Variants in AGBL4 observed in about 807,000 individuals in gnomAD.
The protein encoded by AGBL4 is cytosolic carboxypeptidase 6.
A neutral mutation model predicts 66.4 loss-of-function variants in AGBL4; 58 were observed. The ratio of observed to expected loss-of-function variants is 0.87; its 90% CI spans 0.71 to 1.09. The LOEUF (loss-of-function observed/expected upper bound fraction) is 1.09, where lower values mean the gene tolerates loss of function less well. Among genes scored for constraint, AGBL4 ranks in the 50% least tolerant of loss-of-function variants. The probability of loss-of-function intolerance (pLI) is 0.00; values close to 1 mark genes in which losing one functional copy is unlikely to be tolerated. For synonymous variants in AGBL4, 234 were observed against 222.9 expected (o/e 1.05, Z -0.44); for missense variants, 579 against 631.0 (o/e 0.92, Z 0.88).
At chr1:48,609,693 G>A (rs1190259060) in intron 9 of AGBL4, among the ~76,000 whole-genome samples, 1 of 152,152 alleles carries the variant, frequency 6.6e-6, no homozygotes, top group Non-Finnish European at 1.5e-5. Context: ...AAAGTGCTGG[G>A]ATTACAGACA....
chr1:48,814,807 T>C (rs1334722479), intron 6 of AGBL4, among the ~76,000 whole-genome samples: 1 of 150,044 alleles, frequency 6.7e-6, no homozygotes, highest in Non-Finnish European at 1.5e-5. Flanking sequence ...TCCATTCATC[T>C]GTTGTTGGAC....
chr1:49,725,758 C>T (rs1443144594), intron 2 of AGBL4, among the ~76,000 whole-genome samples: 1 of 143,466 alleles, frequency 7.0e-6, no homozygotes, highest in Non-Finnish European at 1.5e-5. Flanking sequence ...GATCTTGGCT[C>T]ACTGCAACCT....
rs1356487666 is a variant in AGBL4 at position 49,595,239 on chromosome 1, C to G, written c.282+102074G>C. Among the ~76,000 whole-genome samples, 50 of 152,114 alleles carry G rather than the reference C, an allele frequency of 3.3e-4. 1 individual carries two copies. Among genetic ancestry groups the G allele is most frequent in the Admixed American group, 3.3e-3 (50 of 15,274 alleles). On this transcript the variant is annotated intron_variant, in intron 3 of 13. Transcript: ENST00000371839. ...GAGTAGTTGGGACTACAGGCACACACCACCACACCCAGCCAATTTTTTTGT... is the reference window on the plus strand; with the variant it reads ...GAGTAGTTGGGACTACAGGCACACAGCACCACACCCAGCCAATTTTTTTGT...
chr1:49,268,535 G>T (rs145973533), intron 3 of AGBL4, among the ~76,000 whole-genome samples: 2 of 151,698 alleles, frequency 1.3e-5, no homozygotes, highest in African/African-American at 4.8e-5. Flanking sequence ...GGGCTCAAGT[G>T]ATCCTCCTGC....
chr1:49,429,259 C>T lies in AGBL4; in HGVS notation c.283-183395G>A, dbSNP rs1038232376. Among the ~76,000 whole-genome samples the T allele has an allele frequency of 3.9e-5, 6 of 152,258 alleles. No individual in the cohort carries two copies. The East Asian group carries it at 7.7e-4, about 20-fold the overall frequency. ...AAGGCTTTTCAAATATAAAAATTTACATCAATAGTTAGGCTCCCATAAGAA... is the reference window on the plus strand; with the variant it reads ...AAGGCTTTTCAAATATAAAAATTTATATCAATAGTTAGGCTCCCATAAGAA... On this transcript the variant is annotated intron_variant, in intron 3 of 13. Coordinates refer to ENST00000371839, the MANE Select transcript of AGBL4 (RefSeq NM_032785.4).
intron 5 of AGBL4, among the ~76,000 whole-genome samples, chr1:48,867,466 CAGA>C (rs747918587): frequency 2.6e-5 from 4 of 151,864 alleles, no homozygotes; most frequent in Non-Finnish European, 5.9e-5. Flanking sequence ...AGAGGTCTCT[CAGA>C]CAAATTATAC....
At chr1:48,634,741 A>G in intron 8 of AGBL4, 137 bp from the exon 9 acceptor site, 2 of 577,464 alleles carry the variant, frequency 3.5e-6, no homozygotes, top group South Asian at 5.3e-5. Context: ...TGTTCTAAGT[A>G]CTTTATATGA....
intron 4 of AGBL4, among the ~76,000 whole-genome samples, chr1:49,242,157 C>T (rs1651286915): frequency 6.6e-6 from 1 of 151,838 alleles, no homozygotes; most frequent in African/African-American, 2.4e-5. Flanking sequence ...GTGTTTCATT[C>T]CAACCTCTAA....
At chr1:49,372,742 TTCTC>T (rs969969842) in intron 3 of AGBL4, among the ~76,000 whole-genome samples, 7 of 148,994 alleles carry the variant, frequency 4.7e-5, no homozygotes, top group East Asian at 2.0e-4. Context: ...CCTCTCTCTC[TTCTC>T]TCTCTCTCTC....
At chr1:48,523,772 G>A in the AGBL4 span, among the ~76,000 whole-genome samples, 1 of 152,128 alleles carries the variant, frequency 6.6e-6, no homozygotes, top group Admixed American at 6.5e-5. Context: ...TCTGAGAAAT[G>A]CATTGTTAGG....
intron 4 of AGBL4, among the ~76,000 whole-genome samples, chr1:49,083,629 G>T (rs1644846829): frequency 6.6e-6 from 1 of 152,348 alleles, no homozygotes; most frequent in South Asian, 2.1e-4. Context: ...CTTGTGATAG[G>T]AGGGGCTGCC....
chr1:49,139,925 C>G (rs1281479184), intron 4 of AGBL4, among the ~76,000 whole-genome samples: 1 of 152,094 alleles, frequency 6.6e-6, no homozygotes, highest in Non-Finnish European at 1.5e-5. Context: ...TGCTTACTGT[C>G]TCCTTCTCAA....
At chr1:49,284,253 T>C (rs1434566324) in intron 3 of AGBL4, among the ~76,000 whole-genome samples, 2 of 152,126 alleles carry the variant, frequency 1.3e-5, no homozygotes, top group African/African-American at 4.8e-5. Context: ...CAATCCAGAA[T>C]TTCATATCCA....
At chr1:48,777,392 T>C (rs1374459842) in intron 6 of AGBL4, among the ~76,000 whole-genome samples, 1 of 152,048 alleles carries the variant, frequency 6.6e-6, no homozygotes, top group East Asian at 1.9e-4. Context: ...AGCAGAAGTT[T>C]GGAGTGTTTT....
At chr1:49,589,590 T>C (rs1335081782) in intron 3 of AGBL4, among the ~76,000 whole-genome samples, 1 of 151,950 alleles carries the variant, frequency 6.6e-6, no homozygotes, top group African/African-American at 2.4e-5. Flanking sequence ...ATGGGAAAAA[T>C]TGAACATCAA....
chr1:49,005,478 G>C (rs1461176415), intron 5 of AGBL4, among the ~76,000 whole-genome samples: 1 of 152,116 alleles, frequency 6.6e-6, no homozygotes. Flanking sequence ...CTGCCCATTA[G>C]TCACTGAGTA....
At chr1:49,975,002 T>C (rs1409964081) in intron 1 of AGBL4, among the ~76,000 whole-genome samples, 1 of 152,172 alleles carries the variant, frequency 6.6e-6, no homozygotes, top group Non-Finnish European at 1.5e-5. Flanking sequence ...ACAAAAGTAT[T>C]CCATATTTCA....
At chr1:48,838,153 T>A (rs571197048) in intron 6 of AGBL4, among the ~76,000 whole-genome samples, 76 of 151,964 alleles carry the variant, frequency 5.0e-4, no homozygotes, top group Non-Finnish European at 6.0e-4. Context: ...CCTATAAAAA[T>A]ACCAATGAAA....
chr1:49,807,858 C>T (rs976233084), intron 2 of AGBL4, among the ~76,000 whole-genome samples: 1 of 152,174 alleles, frequency 6.6e-6, no homozygotes, highest in African/African-American at 2.4e-5. Flanking sequence ...AGTGACCTTA[C>T]AAAAGAAGCC....
Sources: allele counts gnomAD v4.1 joint callset (sites outside exome capture counted in the v4.1 genomes callset), GRCh38; gene constraint gnomAD v4.1.1; transcripts MANE v1.5; gene names NCBI Gene and HGNC (gene_info 2026-07-23, HGNC 2026-07-21).